CPNE8: variants seen among roughly 807,000 people sequenced by gnomAD.
CPNE8 encodes copine-8.
Under a neutral mutation model 81.5 loss-of-function variants are expected in CPNE8, and 45 were observed. That is an observed-to-expected ratio of 0.55 (90% CI 0.44 to 0.71). The LOEUF (loss-of-function observed/expected upper bound fraction) is 0.71. Ranked by LOEUF, CPNE8 falls within the 30% of genes least tolerant of loss-of-function variation. The pLI is 0.00. For synonymous variants in CPNE8, 252 were observed against 226.3 expected (o/e 1.11, Z -1.02); for missense variants, 594 against 672.1 (o/e 0.88, Z 1.28).
chr12:38,678,959 T>C (rs1459503993), intron 16 of CPNE8, among the ~76,000 whole-genome samples: 1 of 151,848 alleles, frequency 6.6e-6, no homozygotes, highest in Non-Finnish European at 1.5e-5. Context: ...ATAAACCTAT[T>C]CTCCTATTCC....
intron 1 of CPNE8, among the ~76,000 whole-genome samples, chr12:38,884,660 A>G (rs1437011110): frequency 6.6e-6 from 1 of 152,186 alleles, no homozygotes; most frequent in East Asian, 1.9e-4. Flanking sequence ...GCAATATATA[A>G]TTGTTCCAAT....
At chr12:38,788,644 C>T (rs1170280143) in intron 6 of CPNE8, among the ~76,000 whole-genome samples, 2 of 151,562 alleles carry the variant, frequency 1.3e-5, no homozygotes, top group Non-Finnish European at 3.0e-5. Flanking sequence ...GTATAGAAGG[C>T]ATCCAAATCA....
At chr12:38,773,252 C>T (rs1941845700) in intron 7 of CPNE8, among the ~76,000 whole-genome samples, 1 of 151,948 alleles carries the variant, frequency 6.6e-6, no homozygotes, top group African/African-American at 2.4e-5. Context: ...AGTATAGTAC[C>T]TATGGTTAAC....
intron 14 of CPNE8, 99 bp from the exon 15 acceptor site, chr12:38,693,937 A>C: frequency 1.0e-6 from 1 of 962,616 alleles, no homozygotes; most frequent in Middle Eastern, 2.4e-4. Context: ...ATTCAAAATT[A>C]TGTTTTTCTG....
intron 6 of CPNE8, among the ~76,000 whole-genome samples, chr12:38,780,415 G>C (rs1440445195): frequency 6.6e-6 from 1 of 152,092 alleles, no homozygotes; most frequent in African/African-American, 2.4e-5. Flanking sequence ...AATAAATAGA[G>C]CAGATGCAAT....
intron 6 of CPNE8, among the ~76,000 whole-genome samples, chr12:38,782,930 T>C (rs1942087207): frequency 6.6e-6 from 1 of 152,124 alleles, no homozygotes; most frequent in Non-Finnish European, 1.5e-5. Context: ...TCCTCCAGAA[T>C]TGACCTCCCA....
At chr12:38,853,777 T>C (rs1157695148) in intron 3 of CPNE8, among the ~76,000 whole-genome samples, 1 of 152,062 alleles carries the variant, frequency 6.6e-6, no homozygotes. Flanking sequence ...TACTCCTCAT[T>C]TCTAAATCAA....
At chr12:38,851,654 T>C (rs1176243995) in intron 3 of CPNE8, among the ~76,000 whole-genome samples, 1 of 152,200 alleles carries the variant, frequency 6.6e-6, no homozygotes, top group Non-Finnish European at 1.5e-5. Flanking sequence ...CATTTCTGCT[T>C]CTTCTTCTTT....
intron 2 of CPNE8, among the ~76,000 whole-genome samples, chr12:38,873,807 T>C (rs946857857): frequency 3.3e-5 from 5 of 152,206 alleles, no homozygotes. Flanking sequence ...CATTCTGCTG[T>C]TTTCTAATTC....
At chr12:38,758,838 G>A (rs1199316715) in intron 10 of CPNE8, among the ~76,000 whole-genome samples, 1 of 152,058 alleles carries the variant, frequency 6.6e-6, no homozygotes, top group African/African-American at 2.4e-5. Context: ...AAATTCTTGT[G>A]GCTCAGAAAT....
intron 1 of CPNE8, among the ~76,000 whole-genome samples, chr12:38,896,638 T>C (rs1944392760): frequency 6.6e-6 from 1 of 152,142 alleles, no homozygotes; most frequent in Admixed American, 6.6e-5. Context: ...CTCCTACCTG[T>C]CAAATCCCAC....
chr12:38,819,163 A>G (rs183059830), intron 6 of CPNE8, among the ~76,000 whole-genome samples: 27 of 152,164 alleles, frequency 1.8e-4, no homozygotes, highest in African/African-American at 5.8e-4. Context: ...CAATTTTGAC[A>G]TTTGTTGCAA....
At position 38,778,713 on chromosome 12, in the gene CPNE8, G is replaced by T. The variant is rs549036970; in HGVS notation, c.408-2412C>A. On this transcript the variant is annotated intron_variant, in intron 6 of 19. Coordinates refer to ENST00000331366, the MANE Select transcript of CPNE8 (RefSeq NM_153634.3). ...CTTAATTATTCCTTAACTGTTAAAA[G>T]GACAAATTGTTAACCTTTCTTTTCT... 2.6e-5 allele frequency among the ~76,000 whole-genome samples: 4 copies of T among 152,234 alleles called. No homozygotes were observed. In the South Asian group the frequency reaches 8.3e-4, roughly 32 times the overall value.
intron 6 of CPNE8, among the ~76,000 whole-genome samples, chr12:38,794,491 T>A (rs991043804): frequency 6.6e-6 from 1 of 152,090 alleles, no homozygotes; most frequent in Non-Finnish European, 1.5e-5. Context: ...AAAATGAGCA[T>A]GGCACTTCAG....
chr12:38,748,693 C>T lies in CPNE8; in HGVS notation c.722+12154G>A, dbSNP rs563738631. Among the ~76,000 whole-genome samples the T allele has an allele frequency of 4.7e-3, 711 of 151,936 alleles. 6 individuals are homozygous for T. Among genetic ancestry groups the T allele is most frequent in the African/African-American group, 0.016 (661 of 41,420 alleles). The stretch of plus-strand genomic sequence containing the variant: ...TTTTTTTTTGTATTTTTAGTAGAGA[C>T]GGGGTTTCACAGTGTTAGCCAGGAT... On this transcript the variant is annotated intron_variant, in intron 10 of 19. Transcript: ENST00000331366.
intron 19 of CPNE8, among the ~76,000 whole-genome samples, chr12:38,655,536 G>A (rs1314937047): frequency 1.3e-5 from 2 of 152,032 alleles, no homozygotes; most frequent in Admixed American, 6.6e-5. Flanking sequence ...TTTTCTCCTG[G>A]ATGAAGACAA....
intron 8 of CPNE8, among the ~76,000 whole-genome samples, chr12:38,762,794 G>A (rs900922739): frequency 2.0e-5 from 3 of 152,158 alleles, no homozygotes; most frequent in Non-Finnish European, 4.4e-5. Flanking sequence ...TCTGGTAAAG[G>A]AAAAGATCTG....
intron 6 of CPNE8, among the ~76,000 whole-genome samples, chr12:38,818,951 A>C (rs1219131965): frequency 6.6e-6 from 1 of 152,148 alleles, no homozygotes; most frequent in African/African-American, 2.4e-5. Context: ...GTGTCTGTTC[A>C]CATACTTTGC....
chr12:38,686,695 T>C (rs983494563), intron 15 of CPNE8, among the ~76,000 whole-genome samples: 6 of 152,186 alleles, frequency 3.9e-5, no homozygotes, highest in Admixed American at 3.3e-4. Flanking sequence ...GCTGCAGTCA[T>C]CTGAAAGCTT....
Sources: gnomAD v4.1 joint callset for allele counts (sites outside exome capture counted in the v4.1 genomes callset) on GRCh38, gnomAD v4.1.1 for gene constraint, MANE v1.5 for transcripts, NCBI Gene and HGNC (gene_info 2026-07-23, HGNC 2026-07-21) for gene names.